The following DMD variants were observed in gnomAD, a reference collection of about 807,000 sequenced individuals.
DMD encodes the protein mutant dystrophin.
Under a neutral mutation model 330.1 loss-of-function variants are expected in DMD, and 63 were observed. The observed-to-expected ratio is 0.19, with a 90% CI of 0.16 to 0.24. The LOEUF (loss-of-function observed/expected upper bound fraction) is 0.24, where lower values mean the gene tolerates loss of function less well. Ranked by LOEUF, DMD falls within the 10% of genes least tolerant of loss-of-function variation. The pLI, the probability that DMD is intolerant of heterozygous loss-of-function variation, is 1.00. For synonymous variants in DMD, 1,223 were observed against 959.8 expected (o/e 1.27, Z -5.07); for missense variants, 3,344 against 2,684.1 (o/e 1.25, Z -5.43).
chrX:32,628,966 GAGA>G (rs2058554996), intron 11 of DMD, among the ~76,000 whole-genome samples: 2 of 111,986 alleles, frequency 1.8e-5, no homozygotes, highest in South Asian at 3.7e-4. Flanking sequence ...TCCATGTGCT[GAGA>G]AGAAGAATAT....
At chrX:32,741,441 T>C (rs190219340) in intron 7 of DMD, among the ~76,000 whole-genome samples, 2 of 111,603 alleles carry the variant, frequency 1.8e-5, no homozygotes, top group East Asian at 5.7e-4. Flanking sequence ...AAACACAAAA[T>C]CCTAAAACTT....
At chrX:32,298,514 C>CATATATATATATATATAT (rs57786574) in intron 42 of DMD, among the ~76,000 whole-genome samples, 3 of 104,497 alleles carry the variant, frequency 2.9e-5, no homozygotes, top group African/African-American at 1.1e-4. Flanking sequence ...ATATAAAAGG[C>CATATATATATATATATAT]ATATATATAT....
At chrX:32,045,128 A>G (rs1400112236) in intron 44 of DMD, among the ~76,000 whole-genome samples, 2 of 107,244 alleles carry the variant, frequency 1.9e-5, no homozygotes, top group Non-Finnish European at 3.9e-5. Flanking sequence ...ATGAGCAAAA[A>G]CTCCCTGAGG....
chrX:32,823,931 G>A (rs1018454460), intron 4 of DMD, among the ~76,000 whole-genome samples: 1 of 111,487 alleles, frequency 9.0e-6, no homozygotes, highest in Non-Finnish European at 1.9e-5. Context: ...TGTGTCTCCT[G>A]TCCTTCACAC....
At chrX:32,305,597 T>C (rs1316883179) in intron 42 of DMD, among the ~76,000 whole-genome samples, 1 of 111,591 alleles carries the variant, frequency 9.0e-6, no homozygotes, top group Non-Finnish European at 1.9e-5. Flanking sequence ...CAACTCTTGT[T>C]GATTCTATTA....
Position 33,125,700 on chromosome X carries a change from A to C in DMD, c.31+85582T>G, listed in dbSNP as rs1482919128. ...ACGAAGCATTATAATTAAGCAAAAT[A>C]TCCAGTTTTTTCATAGTTTCAGTTT... On this transcript the variant is annotated intron_variant, in intron 1 of 78. Transcript: ENST00000357033. Among the ~76,000 whole-genome samples, 7 of 111,737 alleles carry C rather than the reference A, an allele frequency of 6.3e-5. No homozygotes were observed. In the East Asian group the frequency reaches 2.0e-3, roughly 31 times the overall value.
intron 24 of DMD, among the ~76,000 whole-genome samples, 194 bp from the exon 25 acceptor site, chrX:32,463,788 G>A (rs963771903): frequency 2.7e-5 from 3 of 111,819 alleles, no homozygotes; most frequent in African/African-American, 9.7e-5. Flanking sequence ...TGGTTATTAT[G>A]GCATGAATCC....
chrX:32,259,591 TTGAG>T (rs2097313661), intron 43 of DMD, among the ~76,000 whole-genome samples: 1 of 111,539 alleles, frequency 9.0e-6, no homozygotes. Context: ...TAAGTAAACA[TTGAG>T]TAAGAAATGT....
chrX:32,770,336 G>C (rs751041908), intron 7 of DMD, among the ~76,000 whole-genome samples: 2 of 111,729 alleles, frequency 1.8e-5, no homozygotes, highest in African/African-American at 3.2e-5. Flanking sequence ...ATCCAGCAGA[G>C]AATGTAGAAT....
At chrX:33,189,930 C>T (rs904426656) in intron 1 of DMD, among the ~76,000 whole-genome samples, 1 of 112,016 alleles carries the variant, frequency 8.9e-6, no homozygotes, top group African/African-American at 3.2e-5. Context: ...TTTTACTCAA[C>T]TTCTAATTTC....
chrX:32,986,591 C>A (rs1266978278), intron 2 of DMD, among the ~76,000 whole-genome samples: 2 of 112,138 alleles, frequency 1.8e-5, no homozygotes, highest in Non-Finnish European at 3.8e-5. Flanking sequence ...GGGATCAAAG[C>A]ATCCAGAGGT....
At chrX:31,729,577 T>C in intron 52 of DMD, 54 bp downstream of exon 52, 1 of 941,827 alleles carries the variant, frequency 1.1e-6, no homozygotes, top group African/African-American at 1.9e-5. Flanking sequence ...AAGTTTTTAT[T>C]GAAACTTGTC....
chrX:31,752,515 C>T (rs867695487), intron 51 of DMD, among the ~76,000 whole-genome samples: 19 of 110,708 alleles, frequency 1.7e-4, no homozygotes, highest in Middle Eastern at 4.6e-3. Flanking sequence ...ATTGTTGGGT[C>T]TCTTTCACCC....
chrX:33,181,066 T>C (rs1204798886), intron 1 of DMD, among the ~76,000 whole-genome samples: 1 of 110,810 alleles, frequency 9.0e-6, no homozygotes, highest in Non-Finnish European at 1.9e-5. Flanking sequence ...CATACACACA[T>C]ATATGTATGT....
Position 31,385,546 on chromosome X carries a change from G to A in DMD, c.9085-36912C>T, listed in dbSNP as rs780259238. ...AAAAAAATTCTTATAATTTTTGTAG[G>A]TACACATTAAGCGTATATATTTATA... On this transcript the variant is annotated intron_variant, in intron 60 of 78. Transcript: ENST00000357033. 5.8e-4 allele frequency among the ~76,000 whole-genome samples: 65 copies of A among 112,174 alleles called. 1 individual carries two copies. Among genetic ancestry groups the A allele is most frequent in the African/African-American group, 2.1e-3 (65 of 30,921 alleles).
intron 33 of DMD, among the ~76,000 whole-genome samples, chrX:32,385,553 A>G (rs1261814063): frequency 9.0e-6 from 1 of 111,048 alleles, no homozygotes; most frequent in Non-Finnish European, 1.9e-5. Flanking sequence ...CTGTTATCGC[A>G]TCAACCTAAA....
chrX:32,325,867 G>C (rs1043093347), intron 41 of DMD, among the ~76,000 whole-genome samples: 12 of 99,240 alleles, frequency 1.2e-4, no homozygotes, highest in Non-Finnish European at 2.2e-4. Flanking sequence ...GCAGTGGCTT[G>C]ATCTCGGCTC....
intron 62 of DMD, among the ~76,000 whole-genome samples, chrX:31,322,096 T>C (rs1033794902): frequency 8.9e-6 from 1 of 111,988 alleles, no homozygotes; most frequent in African/African-American, 3.2e-5. Flanking sequence ...CCAGTGATCC[T>C]AAAACCTCAT....
chrX:31,216,557 T>C (rs1220223994), intron 64 of DMD, among the ~76,000 whole-genome samples: 1 of 112,339 alleles, frequency 8.9e-6, no homozygotes, highest in Non-Finnish European at 1.9e-5. Flanking sequence ...AGTAGATTTT[T>C]GTAGGACAGT....
Sources: gnomAD v4.1 joint callset for allele counts (sites outside exome capture counted in the v4.1 genomes callset) on GRCh38, gnomAD v4.1.1 for gene constraint, MANE v1.5 for transcripts, NCBI Gene and HGNC (gene_info 2026-07-23, HGNC 2026-07-21) for gene names.